Variants in OXR1 observed in about 807,000 individuals in gnomAD.
OXR1 encodes the protein oxidation resistance 1.
OXR1 carries 41 observed loss-of-function variants against 104.6 expected under a neutral mutation model. The observed-to-expected ratio is 0.39, with a 90% CI of 0.31 to 0.51. The LOEUF (loss-of-function observed/expected upper bound fraction) is 0.51, where lower values mean the gene tolerates loss of function less well. OXR1 is among the 20% of genes least tolerant of loss of function. The probability of loss-of-function intolerance (pLI) is 0.77; values close to 1 mark genes in which losing one functional copy is unlikely to be tolerated. For missense variants in OXR1, 955 were observed against 1,031.9 expected, an observed-to-expected ratio of 0.93 and a Z score of 1.02; for synonymous variants, 348 against 348.4, an observed-to-expected ratio of 1.00 and a Z score of 0.01.
chr8:106,456,580 A>C (rs1820607197), intron 2 of OXR1, among the ~76,000 whole-genome samples: 1 of 152,212 alleles, frequency 6.6e-6, no homozygotes, highest in Admixed American at 6.5e-5. Flanking sequence ...AATGGAATCT[A>C]TCTTGATGAG....
At chr8:106,458,978 T>A (rs1338164259) in intron 2 of OXR1, among the ~76,000 whole-genome samples, 2 of 152,130 alleles carry the variant, frequency 1.3e-5, no homozygotes, top group African/African-American at 4.8e-5. Flanking sequence ...CTCAGCCATA[T>A]CTGATTTAGA....
chr8:106,641,596 G>A (rs1420134602), intron 3 of OXR1, among the ~76,000 whole-genome samples: 1 of 152,150 alleles, frequency 6.6e-6, no homozygotes, highest in Non-Finnish European at 1.5e-5. Context: ...TCTTAATTGA[G>A]TATTAGTAGC....
intron 2 of OXR1, among the ~76,000 whole-genome samples, chr8:106,448,647 A>T (rs571204275): frequency 6.6e-6 from 1 of 152,308 alleles, no homozygotes; most frequent in South Asian, 2.1e-4. Flanking sequence ...TCTAGCAACA[A>T]AAAATAATTA....
chr8:106,713,067 G>A (rs1831861379), intron 10 of OXR1, among the ~76,000 whole-genome samples: 2 of 151,862 alleles, frequency 1.3e-5, no homozygotes, highest in Admixed American at 6.6e-5. Context: ...ATAAAATGTA[G>A]CACCTTTTAA....
intron 2 of OXR1, among the ~76,000 whole-genome samples, chr8:106,363,521 T>A (rs1244261066): frequency 6.6e-6 from 1 of 151,590 alleles, no homozygotes; most frequent in Non-Finnish European, 1.5e-5. Flanking sequence ...AACCATTGTT[T>A]AAAACATTTA....
chr8:106,516,446 C>T lies in OXR1; in HGVS notation c.24-2497C>T, dbSNP rs77377457. 9.6e-3 allele frequency among the ~76,000 whole-genome samples: 1,454 copies of T among 152,184 alleles called. 23 individuals carry two copies. The highest frequency in any genetic ancestry group is 0.033 in the African/African-American group (1,363 of 41,500). The stretch of plus-strand genomic sequence containing the variant: ...TGTTGTTCACTGTGTATCCCTGGTG[C>T]CCAGAACAGTGTAGGGTGGAGAGTA... On this transcript the variant is annotated intron_variant, in intron 2 of 16. Transcript: ENST00000517566.
At chr8:106,600,958 G>A (rs1819924006) in intron 3 of OXR1, among the ~76,000 whole-genome samples, 1 of 152,120 alleles carries the variant, frequency 6.6e-6, no homozygotes, top group African/African-American at 2.4e-5. Context: ...ACAAAAACAT[G>A]GTAATTAAAT....
chr8:106,475,503 G>A (rs1188861089), intron 2 of OXR1, among the ~76,000 whole-genome samples: 1 of 151,740 alleles, frequency 6.6e-6, no homozygotes, highest in Non-Finnish European at 1.5e-5. Context: ...GGCAGGAGAG[G>A]CAGGCATACT....
intron 2 of OXR1, among the ~76,000 whole-genome samples, chr8:106,430,921 C>T (rs1048663247): frequency 1.3e-5 from 2 of 152,246 alleles, no homozygotes; most frequent in Admixed American, 1.3e-4. Context: ...AGGTCTAACT[C>T]TTCTTCCCTT....
At chr8:106,735,994 A>C (rs555424802) in intron 11 of OXR1, among the ~76,000 whole-genome samples, 2 of 152,284 alleles carry the variant, frequency 1.3e-5, no homozygotes, top group South Asian at 2.1e-4. Context: ...AATCAAGTAA[A>C]AGTCATATGA....
intron 6 of OXR1, among the ~76,000 whole-genome samples, chr8:106,692,004 C>T (rs1027579334): frequency 9.7e-5 from 13 of 134,154 alleles, no homozygotes; most frequent in African/African-American, 1.5e-4. Flanking sequence ...CACACACACA[C>T]ATATATATAT....
At chr8:106,727,396 C>A in intron 11 of OXR1, among the ~76,000 whole-genome samples, 1 of 152,160 alleles carries the variant, frequency 6.6e-6, no homozygotes, top group South Asian at 2.1e-4. Context: ...ACAGTCACCA[C>A]GTCCAAGGCC....
At chr8:106,345,178 A>G (rs1254200599) in intron 1 of OXR1, among the ~76,000 whole-genome samples, 1 of 152,252 alleles carries the variant, frequency 6.6e-6, no homozygotes, top group Non-Finnish European at 1.5e-5. Context: ...CAGGTGCTCA[A>G]TAAATGTTAG....
intron 2 of OXR1, among the ~76,000 whole-genome samples, chr8:106,484,230 T>C (rs1822308829): frequency 6.6e-6 from 1 of 151,864 alleles, no homozygotes. Context: ...AACTCAAGTA[T>C]AAGGAAAAAA....
intron 1 of OXR1, among the ~76,000 whole-genome samples, chr8:106,316,514 T>G (rs1241206059): frequency 6.6e-6 from 1 of 152,162 alleles, no homozygotes; most frequent in African/African-American, 2.4e-5. Context: ...CTTAGAGTGA[T>G]TTTTTCTTTT....
At chr8:106,697,511 G>T in intron 7 of OXR1, 4 of 1,610,472 alleles carry the variant, frequency 2.5e-6, no homozygotes, top group Middle Eastern at 1.7e-4. Flanking sequence ...TTGCCCTCTT[G>T]CAGCTGGTTA....
intron 1 of OXR1, among the ~76,000 whole-genome samples, chr8:106,351,186 C>T (rs1410349804): frequency 6.6e-6 from 1 of 151,998 alleles, no homozygotes; most frequent in Non-Finnish European, 1.5e-5. Context: ...ATCATTTTTT[C>T]AACAAATGTT....
intron 2 of OXR1, among the ~76,000 whole-genome samples, chr8:106,383,488 A>G (rs1213010598): frequency 6.6e-6 from 1 of 152,222 alleles, no homozygotes; most frequent in Non-Finnish European, 1.5e-5. Flanking sequence ...GAAATACTGC[A>G]TTATGAAGAA....
intron 3 of OXR1, among the ~76,000 whole-genome samples, chr8:106,623,359 A>C (rs565915900): frequency 2.0e-5 from 3 of 152,128 alleles, no homozygotes; most frequent in Non-Finnish European, 4.4e-5. Flanking sequence ...GGACATTAAA[A>C]TAGTAATAAT....
Sources: gnomAD v4.1 joint callset for allele counts (sites outside exome capture counted in the v4.1 genomes callset) on GRCh38, gnomAD v4.1.1 for gene constraint, MANE v1.5 for transcripts, NCBI Gene and HGNC (gene_info 2026-07-23, HGNC 2026-07-21) for gene names.